The following DGKB variants were observed in gnomAD, a reference collection of about 807,000 sequenced individuals.
DGKB encodes diacylglycerol kinase beta.
In DGKB, 67 loss-of-function variants were observed where a neutral mutation model predicts 114.3. The observed-to-expected ratio is 0.59, with a 90% CI of 0.48 to 0.72. The LOEUF (loss-of-function observed/expected upper bound fraction) is 0.72. DGKB is among the 30% of genes least tolerant of loss of function. The probability of loss-of-function intolerance (pLI) is 0.00; values close to 1 mark genes in which losing one functional copy is unlikely to be tolerated. For synonymous variants in DGKB, 398 were observed against 323.1 expected (o/e 1.23, Z -2.49); for missense variants, 907 against 975.2 (o/e 0.93, Z 0.93).
chr7:14,602,072 A>G (rs78161618), intron 17 of DGKB, among the ~76,000 whole-genome samples: 2,292 of 151,792 alleles, frequency 0.015, 70 homozygotes, highest in African/African-American at 0.052. Flanking sequence ...TTAGCACCTC[A>G]CTCCTTAGTA....
chr7:14,962,419 A>G (rs966718860), intron 1 of DGKB, among the ~76,000 whole-genome samples: 5 of 152,134 alleles, frequency 3.3e-5, no homozygotes, highest in Non-Finnish European at 2.9e-5. Flanking sequence ...TTGCATTAAT[A>G]TTTTTAGATT....
At chr7:14,229,084 A>G (rs1791299132) in intron 23 of DGKB, among the ~76,000 whole-genome samples, 2 of 152,026 alleles carry the variant, frequency 1.3e-5, no homozygotes, top group Non-Finnish European at 2.9e-5. Flanking sequence ...GGCAGAACAA[A>G]TTTTGCATTA....
intron 2 of DGKB, among the ~76,000 whole-genome samples, chr7:14,834,207 T>C (rs1314263078): frequency 1.3e-5 from 2 of 152,154 alleles, no homozygotes; most frequent in Admixed American, 6.6e-5. Context: ...GTTATAATAA[T>C]ATTACTAACA....
At chr7:14,289,202 T>A (rs1447962213) in intron 23 of DGKB, among the ~76,000 whole-genome samples, 1 of 152,158 alleles carries the variant, frequency 6.6e-6, no homozygotes, top group Non-Finnish European at 1.5e-5. Flanking sequence ...TTTGAAATGT[T>A]GCATTGGTGA....
At chr7:14,359,214 G>T (rs1815211009) in intron 21 of DGKB, among the ~76,000 whole-genome samples, 1 of 152,174 alleles carries the variant, frequency 6.6e-6, no homozygotes, top group African/African-American at 2.4e-5. Flanking sequence ...ACAAGCAATG[G>T]TGAAAGGATT....
chr7:14,817,870 T>C (rs1359938206), intron 2 of DGKB, among the ~76,000 whole-genome samples: 1 of 152,010 alleles, frequency 6.6e-6, no homozygotes, highest in African/African-American at 2.4e-5. Context: ...AAAGCAAATG[T>C]ACATGTGCAT....
chr7:14,301,328 G>GT (rs1250853001), intron 23 of DGKB, among the ~76,000 whole-genome samples: 2 of 152,016 alleles, frequency 1.3e-5, no homozygotes, highest in African/African-American at 4.8e-5. Flanking sequence ...GGGCATTGGT[G>GT]TCTCTATCTT....
intron 21 of DGKB, among the ~76,000 whole-genome samples, chr7:14,457,163 G>C (rs1404559127): frequency 1.3e-5 from 2 of 152,212 alleles, no homozygotes; most frequent in Non-Finnish European, 2.9e-5. Flanking sequence ...TAAAAAGTAT[G>C]CCGCATGTTA....
At chr7:14,564,150 G>A (rs1797061360) in intron 20 of DGKB, among the ~76,000 whole-genome samples, 2 of 152,156 alleles carry the variant, frequency 1.3e-5, no homozygotes, top group Admixed American at 6.5e-5. Context: ...GCAAGGGGAA[G>A]GATCAATGGT....
chr7:14,542,950 G>A (rs943519930), intron 20 of DGKB, among the ~76,000 whole-genome samples: 5 of 152,120 alleles, frequency 3.3e-5, no homozygotes, highest in African/African-American at 1.2e-4. Flanking sequence ...GGTTCATTTA[G>A]GCCAATTAAG....
chr7:14,939,043 C>A (rs944476804), intron 1 of DGKB, among the ~76,000 whole-genome samples: 1 of 150,866 alleles, frequency 6.6e-6, no homozygotes, highest in Non-Finnish European at 1.5e-5. Context: ...CCTATAAAGA[C>A]CATAAGCCTT....
At chr7:14,276,921 G>C (rs886255384) in intron 23 of DGKB, among the ~76,000 whole-genome samples, 1 of 151,926 alleles carries the variant, frequency 6.6e-6, no homozygotes, top group African/African-American at 2.4e-5. Context: ...ACAATGTGAT[G>C]ATTTGACATA....
chr7:14,368,630 C>G (rs1301287682), intron 21 of DGKB, among the ~76,000 whole-genome samples: 1 of 150,752 alleles, frequency 6.6e-6, no homozygotes, highest in Non-Finnish European at 1.5e-5. Context: ...AATACACAAA[C>G]AGATATAAAG....
chr7:14,729,123 C>CTTTCTTTTTT (rs1463141725), intron 5 of DGKB, among the ~76,000 whole-genome samples: 20 of 113,376 alleles, frequency 1.8e-4, no homozygotes, highest in African/African-American at 6.9e-4. Context: ...CATTTTCTTT[C>CTTTCTTTTTT]TTTTTTTTTT....
chr7:14,953,963 C>T (rs1226939800), intron 1 of DGKB, among the ~76,000 whole-genome samples: 1 of 152,056 alleles, frequency 6.6e-6, no homozygotes, highest in East Asian at 1.9e-4. Flanking sequence ...GCCTTTCCCA[C>T]CAGCCCAACT....
intron 17 of DGKB, among the ~76,000 whole-genome samples, chr7:14,590,160 TAA>T (rs1431537808): frequency 8.2e-6 from 1 of 122,106 alleles, no homozygotes; most frequent in African/African-American, 3.6e-5. Context: ...TAAAGTATAA[TAA>T]TAAAAAAAAA....
rs77983705 is a variant in DGKB, at chr7:14,930,189, T to C, written c.-188+44507A>G. On this transcript the variant is annotated intron_variant, in intron 1 of 4. Transcript: ENST00000437998. The stretch of plus-strand genomic sequence containing the variant: ...CCAGCTTTGTTCTTTTTGCTCAGGA[T>C]TGATTTGGTCTTTTGGGTCTTTTTG... Among the ~76,000 whole-genome samples the C allele has an allele frequency of 4.1e-4, 63 of 152,274 alleles. No individual in the cohort carries two copies. In the South Asian group the frequency reaches 0.012, roughly 30 times the overall value.
intron 21 of DGKB, among the ~76,000 whole-genome samples, chr7:14,432,997 G>A (rs117725254): frequency 0.014 from 2,146 of 152,274 alleles, 50 homozygotes; most frequent in African/African-American, 0.047. Context: ...GCATGGTGGA[G>A]TGGATGCTTT....
At chr7:14,378,901 A>G (rs773511650) in intron 21 of DGKB, among the ~76,000 whole-genome samples, 1 of 152,110 alleles carries the variant, frequency 6.6e-6, no homozygotes, top group African/African-American at 2.4e-5. Context: ...GCTCTTGTCC[A>G]TTATAAATAT....
Sources: allele counts gnomAD v4.1 joint callset (sites outside exome capture counted in the v4.1 genomes callset), GRCh38; gene constraint gnomAD v4.1.1; transcripts MANE v1.5; gene names NCBI Gene and HGNC (gene_info 2026-07-23, HGNC 2026-07-21).